Variants in SLC25A21 observed in about 807,000 individuals in gnomAD.
The protein encoded by SLC25A21 is solute carrier family 25 member 21, also known as mitochondrial 2-oxodicarboxylate carrier.
A neutral mutation model predicts 43.8 loss-of-function variants in SLC25A21; 47 were observed. The observed-to-expected ratio is 1.07, with a 90% CI of 0.85 to 1.37. The LOEUF (loss-of-function observed/expected upper bound fraction) is 1.37, where lower values mean the gene tolerates loss of function less well. Ranked by LOEUF, SLC25A21 falls within the 40% of genes most tolerant of loss-of-function variation. The pLI is 0.00. For missense variants in SLC25A21, 352 were observed against 350.2 expected, an observed-to-expected ratio of 1.00 and a Z score of -0.04; for synonymous variants, 131 against 121.3, an observed-to-expected ratio of 1.08 and a Z score of -0.52.
chr14:36,932,922 A>G (rs1194515865), intron 1 of SLC25A21, among the ~76,000 whole-genome samples: 1 of 152,156 alleles, frequency 6.6e-6, no homozygotes, highest in East Asian at 1.9e-4. Flanking sequence ...ATAGGATATT[A>G]TAACGATTAA....
rs530430582 is a variant in SLC25A21, at chr14:37,082,023, C to T, written c.70+90258G>A. 3.9e-4 allele frequency among the ~76,000 whole-genome samples: 60 copies of T among 152,226 alleles called. 1 individual carries two copies. Among genetic ancestry groups the T allele is most frequent in the South Asian group, 2.7e-3 (13 of 4,816 alleles). On this transcript the variant is annotated intron_variant, in intron 1 of 9. Coordinates refer to ENST00000331299, the MANE Select transcript of SLC25A21 (RefSeq NM_030631.4). ...AGTGGTAAAAAAAGAAAATGTGGTA[C>T]ACACACACCATGGAGTACTATACAG...
intron 1 of SLC25A21, among the ~76,000 whole-genome samples, chr14:36,998,584 T>C (rs1960422169): frequency 6.6e-6 from 1 of 151,862 alleles, no homozygotes; most frequent in Non-Finnish European, 1.5e-5. Context: ...TATGGAGAAA[T>C]CAGATACAAA....
At chr14:36,862,067 C>T (rs1341584466) in intron 2 of SLC25A21, among the ~76,000 whole-genome samples, 2 of 152,220 alleles carry the variant, frequency 1.3e-5, no homozygotes, top group African/African-American at 4.8e-5. Context: ...GAGATACCAT[C>T]TCATGCCAGT....
intron 2 of SLC25A21, among the ~76,000 whole-genome samples, chr14:36,848,178 G>T (rs1312696239): frequency 6.6e-6 from 1 of 152,098 alleles, no homozygotes; most frequent in Non-Finnish European, 1.5e-5. Context: ...CTCTTTTTAG[G>T]TTATCACCCT....
At chr14:37,103,942 T>G (rs1313028582) in intron 1 of SLC25A21, among the ~76,000 whole-genome samples, 1 of 152,188 alleles carries the variant, frequency 6.6e-6, no homozygotes, top group African/African-American at 2.4e-5. Context: ...AAATTGGAAG[T>G]GATCCTGACC....
At chr14:36,964,328 A>C (rs1465741535) in intron 1 of SLC25A21, among the ~76,000 whole-genome samples, 1 of 152,174 alleles carries the variant, frequency 6.6e-6, no homozygotes, top group Non-Finnish European at 1.5e-5. Context: ...AGACTCAACA[A>C]AGTGGATCCC....
chr14:36,999,768 AG>A (rs1025348862), intron 1 of SLC25A21, among the ~76,000 whole-genome samples: 2 of 152,194 alleles, frequency 1.3e-5, no homozygotes, highest in Non-Finnish European at 2.9e-5. Context: ...AATACATCAA[AG>A]ACAACTGAAA....
chr14:37,155,030 G>C (rs1036767603), intron 1 of SLC25A21, among the ~76,000 whole-genome samples: 2 of 151,612 alleles, frequency 1.3e-5, no homozygotes, highest in East Asian at 3.9e-4. Flanking sequence ...TTTGGTAATA[G>C]AGTAGATGAG....
intron 3 of SLC25A21, among the ~76,000 whole-genome samples, chr14:36,787,976 T>A (rs938662268): frequency 6.6e-6 from 1 of 152,220 alleles, no homozygotes; most frequent in African/African-American, 2.4e-5. Flanking sequence ...CAGAGTAATT[T>A]GTTTGATGTG....
chr14:37,061,141 T>C (rs1441003756), intron 1 of SLC25A21, among the ~76,000 whole-genome samples: 2 of 152,186 alleles, frequency 1.3e-5, no homozygotes, highest in African/African-American at 4.8e-5. Context: ...GTCCCTGAAC[T>C]TTCCATTGTA....
intron 1 of SLC25A21, among the ~76,000 whole-genome samples, chr14:37,028,788 G>A (rs1159140128): frequency 1.3e-5 from 2 of 152,162 alleles, no homozygotes; most frequent in Non-Finnish European, 2.9e-5. Flanking sequence ...GAGAGTGACA[G>A]AGAACATTAC....
intron 6 of SLC25A21, among the ~76,000 whole-genome samples, chr14:36,712,999 A>C (rs1883954847): frequency 6.6e-6 from 1 of 152,172 alleles, no homozygotes; most frequent in Admixed American, 6.5e-5. Context: ...CAAGGAAGGC[A>C]GTCTAGAGGT....
chr14:37,035,323 T>G (rs942832434), intron 1 of SLC25A21, among the ~76,000 whole-genome samples: 8 of 152,244 alleles, frequency 5.3e-5, no homozygotes, highest in African/African-American at 1.9e-4. Flanking sequence ...CCGAAAACAC[T>G]GGAACACATT....
chr14:36,700,881 C>A (rs781253220), intron 7 of SLC25A21, among the ~76,000 whole-genome samples: 3 of 152,200 alleles, frequency 2.0e-5, no homozygotes, highest in Admixed American at 6.5e-5. Flanking sequence ...AGCAGCTCAT[C>A]ATTGTCTTGC....
At chr14:36,892,063 C>T (rs536152747) in intron 1 of SLC25A21, among the ~76,000 whole-genome samples, 1 of 152,248 alleles carries the variant, frequency 6.6e-6, no homozygotes, top group South Asian at 2.1e-4. Context: ...ACTTGCTAAC[C>T]ACATTATGTG....
At chr14:36,910,705 C>T (rs185418986) in intron 1 of SLC25A21, among the ~76,000 whole-genome samples, 4 of 152,192 alleles carry the variant, frequency 2.6e-5, no homozygotes, top group East Asian at 3.9e-4. Context: ...TATTTGTGGT[C>T]TTCTCCTAGA....
At chr14:36,846,254 C>T (rs1393791280) in intron 2 of SLC25A21, among the ~76,000 whole-genome samples, 4 of 152,080 alleles carry the variant, frequency 2.6e-5, no homozygotes, top group Admixed American at 6.5e-5. Flanking sequence ...TAACTCTATA[C>T]GAAGCATGAG....
At chr14:37,119,664 C>T (rs774701609) in intron 1 of SLC25A21, among the ~76,000 whole-genome samples, 44 of 152,216 alleles carry the variant, frequency 2.9e-4, no homozygotes, top group Non-Finnish European at 4.0e-4. Flanking sequence ...TCCTTTACTT[C>T]CTAATAAACT....
chr14:36,885,201 A>C (rs925246374), intron 1 of SLC25A21, among the ~76,000 whole-genome samples: 1 of 152,226 alleles, frequency 6.6e-6, no homozygotes, highest in African/African-American at 2.4e-5. Context: ...TTTTCCCAAC[A>C]CTATTTATTG....
Sources: allele counts gnomAD v4.1 joint callset (sites outside exome capture counted in the v4.1 genomes callset), GRCh38; gene constraint gnomAD v4.1.1; transcripts MANE v1.5; gene names NCBI Gene and HGNC (gene_info 2026-07-23, HGNC 2026-07-21).